HMGN5: variants seen among roughly 807,000 people sequenced by gnomAD.
HMGN5 encodes the protein high mobility group nucleosome-binding domain-containing protein 5.
In HMGN5, 4 loss-of-function variants were observed where a neutral mutation model predicts 9.5. The observed-to-expected ratio is 0.42, with a 90% CI of 0.21 to 0.96. The LOEUF (loss-of-function observed/expected upper bound fraction) is 0.96. Among genes scored for constraint, HMGN5 ranks in the 40% least tolerant of loss-of-function variants. The pLI, the probability that HMGN5 is intolerant of heterozygous loss-of-function variation, is 0.30. For synonymous variants in HMGN5, 55 were observed against 57.1 expected, an observed-to-expected ratio of 0.96 and a Z score of 0.16; for missense variants, 192 against 187.5, an observed-to-expected ratio of 1.02 and a Z score of -0.14.
In HMGN5 at chrX:81,141,462, C is replaced by CAGAGAGAGAG. The variant is rs35363364; in HGVS notation, c.-123-19800_-123-19791dup. On this transcript the variant is annotated intron_variant, in intron 1 of 6. Coordinates refer to ENST00000358130, the MANE Select transcript of HMGN5 (RefSeq NM_030763.3). ...ATCCCCAGCTTCAAGTGATGCAAAACAGAGAGAGAGAGAGAGAGAGAGAGA... is the reference window on the plus strand; with the variant it reads ...ATCCCCAGCTTCAAGTGATGCAAAACAGAGAGAGAGAGAGAGAGAGAGAGAGAGAGAGAGA... Among the ~76,000 whole-genome samples the CAGAGAGAGAG allele has an allele frequency of 3.0e-4, 28 of 94,157 alleles. 1 individual carries two copies. Among genetic ancestry groups the CAGAGAGAGAG allele is most frequent in the East Asian group, 1.3e-3 (4 of 3,007 alleles). 81.8% of individuals were successfully genotyped at this position (94,157 alleles called of 115,157 possible).
At chrX:81,129,146 C>T (rs1046722967) in intron 1 of HMGN5, among the ~76,000 whole-genome samples, 2 of 110,765 alleles carry the variant, frequency 1.8e-5, no homozygotes, top group Non-Finnish European at 3.8e-5. Context: ...GGCTGTGGGA[C>T]GCCAAATCAG....
rs1374806382 is a variant in HMGN5, at chrX:81,118,775, A to C, written c.46-16T>G. 8.8e-7 allele frequency: 1 copy of C among 1,138,530 alleles called. No individual in the cohort carries two copies. Among genetic ancestry groups the C allele is most frequent in the Admixed American group, 2.3e-5 (1 of 44,018 alleles). 93.8% of individuals were successfully genotyped at this position (1,138,530 alleles called of 1,213,427 possible). A position where few individuals can be genotyped will look rare whatever the true frequency, so the allele number is the denominator to read the frequency against. On this transcript the variant is annotated splice_polypyrimidine_tract_variant and intron_variant, in intron 3 of 6. Transcript: ENST00000358130. ...TTCTCTTTGGCTATAAGTTAAAAAC[A>C]AAAATCTGTTAAGAGAATTATGGAT... is the stretch of plus-strand genomic sequence containing the variant.
At chrX:81,119,938 G>A (rs2075264380) in intron 2 of HMGN5, 121 bp from the exon 3 acceptor site, 2 of 615,839 alleles carry the variant, frequency 3.2e-6, no homozygotes, top group East Asian at 3.6e-5. Context: ...CTGGGTTCCT[G>A]CTCAAGTAGA....
intron 1 of HMGN5, among the ~76,000 whole-genome samples, chrX:81,142,138 G>C (rs976419543): frequency 1.6e-4 from 18 of 111,044 alleles, no homozygotes; most frequent in African/African-American, 5.9e-4. Flanking sequence ...TTGAGGACAG[G>C]GTATTCAAAA....
At chrX:81,175,464 G>A (rs73631727) in intron 1 of HMGN5, among the ~76,000 whole-genome samples, 5,038 of 110,829 alleles carry the variant, frequency 0.045, 291 homozygotes, top group African/African-American at 0.16. Flanking sequence ...GTAGAGTTAC[G>A]AGACTTGTGG....
Position 81,114,072 on chromosome X carries a change from C to T in HMGN5, c.*577G>A, listed in dbSNP as rs987127845. On this transcript the variant is annotated 3_prime_UTR_variant, in exon 7 of 7. Coordinates refer to ENST00000358130, the MANE Select transcript of HMGN5 (RefSeq NM_030763.3). ...TGAAGATATAACAAAACACAATCAT[C>T]GTCAGAGTCTTTTTATTAAGATAAA... 1.8e-5 allele frequency: 2 copies of T among 111,777 alleles called. No homozygotes were observed. Among genetic ancestry groups the T allele is most frequent in the Admixed American group, 9.6e-5 (1 of 10,468 alleles). The allele number at this position is 111,777 out of a possible 1,213,427, so 9.2% of individuals were successfully genotyped here.
intron 1 of HMGN5, among the ~76,000 whole-genome samples, chrX:81,136,075 A>C (rs777003347): frequency 9.0e-6 from 1 of 111,622 alleles, no homozygotes; most frequent in African/African-American, 3.2e-5. Context: ...CTGATCTTGA[A>C]TTTTCCAGCC....
chrX:81,179,731 G>T (rs1337005820), intron 1 of HMGN5, among the ~76,000 whole-genome samples: 3 of 111,759 alleles, frequency 2.7e-5, no homozygotes, highest in Admixed American at 9.5e-5. Flanking sequence ...CCAAAAAAGA[G>T]CACGCATTGC....
intron 1 of HMGN5, among the ~76,000 whole-genome samples, chrX:81,145,813 G>A (rs759511164): frequency 3.3e-4 from 37 of 110,917 alleles, no homozygotes; most frequent in Non-Finnish European, 5.3e-4. Context: ...GAATATTTAC[G>A]AAGCAAATGG....
chrX:81,173,649 T>TA (rs1180397423), intron 1 of HMGN5, among the ~76,000 whole-genome samples: 1 of 112,318 alleles, frequency 8.9e-6, no homozygotes, highest in Non-Finnish European at 1.9e-5. Flanking sequence ...TTTATATATA[T>TA]ACTATTTTCT....
At chrX:81,157,811 G>T (rs765280337) in intron 1 of HMGN5, among the ~76,000 whole-genome samples, 1 of 109,749 alleles carries the variant, frequency 9.1e-6, no homozygotes, top group Non-Finnish European at 1.9e-5. Context: ...ACGGAGTCTT[G>T]CTCTGTCACC....
At chrX:81,159,732 T>C (rs948150447) in intron 1 of HMGN5, among the ~76,000 whole-genome samples, 1 of 110,475 alleles carries the variant, frequency 9.1e-6, no homozygotes, top group African/African-American at 3.3e-5. Context: ...TGTTGTCCAG[T>C]CTGGTCTCAA....
chrX:81,150,700 G>T (rs1314532330), intron 1 of HMGN5, among the ~76,000 whole-genome samples: 2 of 111,861 alleles, frequency 1.8e-5, no homozygotes, highest in Non-Finnish European at 3.8e-5. Context: ...TTGCTTTTTT[G>T]AAAAGTTAAA....
chrX:81,168,421 G>A (rs778432252), intron 1 of HMGN5, among the ~76,000 whole-genome samples: 4 of 111,684 alleles, frequency 3.6e-5, no homozygotes, highest in African/African-American at 1.3e-4. Flanking sequence ...TTACTTTGGG[G>A]TATTTGGTGG....
At chrX:81,187,014 T>C (rs760100801) in intron 1 of HMGN5, among the ~76,000 whole-genome samples, 1 of 112,135 alleles carries the variant, frequency 8.9e-6, no homozygotes, top group African/African-American at 3.2e-5. Context: ...TTTCCTAAAT[T>C]TCTCTTGTCA....
At chrX:81,119,028 G>C (rs2075261779) in intron 3 of HMGN5, among the ~76,000 whole-genome samples, 1 of 111,825 alleles carries the variant, frequency 8.9e-6, no homozygotes, top group African/African-American at 3.2e-5. Flanking sequence ...ATTTAGAAAT[G>C]AAAATATAGC....
intron 1 of HMGN5, among the ~76,000 whole-genome samples, chrX:81,154,346 A>G (rs1380468891): frequency 1.8e-5 from 2 of 111,365 alleles, no homozygotes; most frequent in South Asian, 3.7e-4. Flanking sequence ...ATCTCTTGCC[A>G]TATACAAAAA....
chrX:81,199,521 CA>C (rs772754537), intron 1 of HMGN5, among the ~76,000 whole-genome samples: 1,252 of 111,405 alleles, frequency 0.011, 17 homozygotes, highest in African/African-American at 0.038. Context: ...GTAGTGGTAC[CA>C]AAACAGATAT....
At chrX:81,139,118 A>AC (rs1365585533) in intron 1 of HMGN5, among the ~76,000 whole-genome samples, 1 of 112,387 alleles carries the variant, frequency 8.9e-6, no homozygotes. Context: ...ATAAACATAG[A>AC]CATATTCTAA....
Sources: allele counts gnomAD v4.1 joint callset (sites outside exome capture counted in the v4.1 genomes callset), GRCh38; gene constraint gnomAD v4.1.1; transcripts MANE v1.5; gene names NCBI Gene and HGNC (gene_info 2026-07-23, HGNC 2026-07-21).